The following ADGRL3 variants were observed in gnomAD, a reference collection of about 807,000 sequenced individuals.
The protein encoded by ADGRL3 is calcium-independent alpha-latrotoxin receptor 3.
ADGRL3 carries 62 observed loss-of-function variants against 153.5 expected under a neutral mutation model. The observed-to-expected ratio is 0.40, with a 90% CI of 0.33 to 0.50. ADGRL3 has a LOEUF of 0.50. Ranked by LOEUF, ADGRL3 falls within the 20% of genes least tolerant of loss-of-function variation. The probability of loss-of-function intolerance (pLI) is 0.47; values close to 1 mark genes in which losing one functional copy is unlikely to be tolerated. For missense variants in ADGRL3, 1,641 were observed against 1,859.4 expected, an observed-to-expected ratio of 0.88 and a Z score of 2.16; for synonymous variants, 710 against 672.5, an observed-to-expected ratio of 1.06 and a Z score of -0.86.
At chr4:61,831,740 G>T (rs1248515011) in intron 9 of ADGRL3, among the ~76,000 whole-genome samples, 1 of 152,070 alleles carries the variant, frequency 6.6e-6, no homozygotes, top group Non-Finnish European at 1.5e-5. Flanking sequence ...AATTTTTAAG[G>T]TTTAGTAGGT....
intron 5 of ADGRL3, among the ~76,000 whole-genome samples, chr4:61,609,907 GA>G: frequency 6.6e-6 from 1 of 151,878 alleles, no homozygotes; most frequent in Non-Finnish European, 1.5e-5. Flanking sequence ...CAAAGAAATT[GA>G]AATGAAAGAT....
At chr4:62,027,121 A>G (rs1221836636) in intron 21 of ADGRL3, among the ~76,000 whole-genome samples, 7 of 152,100 alleles carry the variant, frequency 4.6e-5, no homozygotes, top group Admixed American at 6.6e-5. Flanking sequence ...GGGAATGCAT[A>G]TAATATAATA....
intron 5 of ADGRL3, among the ~76,000 whole-genome samples, chr4:61,612,310 C>G (rs980379303): frequency 3.9e-5 from 6 of 152,056 alleles, no homozygotes; most frequent in African/African-American, 1.4e-4. Context: ...GTTGGGAAGC[C>G]TTCTCTCTTC....
Position 61,733,241 on chromosome 4 carries a change from C to T in ADGRL3, c.1086C>T (p.Thr362=), listed in dbSNP as rs368860035. ...TCATTAGTCAATTGAACCCTTACAC[C>T]CTACGGATCGAAGGAACATGGGATA... The part of the protein sequence containing the change: ...KIVISQLNPY[T]LRIEGTWDTA... The change falls in exon 8 of 27, where the codon ACC becomes ACT. Residue 362 remains threonine, a synonymous_variant. Transcript: ENST00000683033. 24 of 1,613,480 alleles carry T rather than the reference C, an allele frequency of 1.5e-5. No individual in the cohort carries two copies. The highest frequency in any genetic ancestry group is 1.8e-5 in the Non-Finnish European group (21 of 1,179,792).
At chr4:61,556,367 T>G (rs1006148741) in intron 4 of ADGRL3, among the ~76,000 whole-genome samples, 1 of 151,300 alleles carries the variant, frequency 6.6e-6, no homozygotes, top group Non-Finnish European at 1.5e-5. Flanking sequence ...GAGACAGGAG[T>G]TTGAGGAACA....
At chr4:61,436,844 A>G (rs1483712633) in intron 2 of ADGRL3, among the ~76,000 whole-genome samples, 3 of 151,774 alleles carry the variant, frequency 2.0e-5, no homozygotes, top group East Asian at 3.9e-4. Flanking sequence ...CTGTTCATAT[A>G]CAGAGAGCAT....
intron 13 of ADGRL3, among the ~76,000 whole-genome samples, chr4:61,922,990 C>G (rs551130779): frequency 1.3e-5 from 2 of 152,138 alleles, no homozygotes; most frequent in African/African-American, 4.8e-5. Context: ...GGAAGACTTT[C>G]TAAGGAAGTG....
At chr4:61,777,030 T>G (rs1007161227) in intron 8 of ADGRL3, among the ~76,000 whole-genome samples, 9 of 152,188 alleles carry the variant, frequency 5.9e-5, no homozygotes. Context: ...ATTTCCTTGC[T>G]TTTGTTTATA....
intron 9 of ADGRL3, among the ~76,000 whole-genome samples, chr4:61,867,747 A>G (rs1561385927): frequency 6.6e-6 from 1 of 151,828 alleles, no homozygotes; most frequent in Non-Finnish European, 1.5e-5. Flanking sequence ...GTGGAGAAAC[A>G]TAACTAGACA....
At chr4:61,651,693 C>T (rs572534020) in intron 5 of ADGRL3, among the ~76,000 whole-genome samples, 1 of 151,708 alleles carries the variant, frequency 6.6e-6, no homozygotes, top group South Asian at 2.1e-4. Context: ...CTGCAACCCC[C>T]GCCTCCTGTG....
intron 1 of ADGRL3, among the ~76,000 whole-genome samples, chr4:61,294,928 CACACA>C (rs1560439213): frequency 6.7e-6 from 1 of 148,436 alleles, no homozygotes; most frequent in Non-Finnish European, 1.5e-5. Context: ...CACACACACA[CACACA>C]CAGTAGTCCC....
intron 2 of ADGRL3, among the ~76,000 whole-genome samples, chr4:61,388,602 C>CT (rs1560559149): frequency 6.6e-6 from 1 of 152,210 alleles, no homozygotes; most frequent in Non-Finnish European, 1.5e-5. Context: ...TCTTAGGCTA[C>CT]TACCTTTGTC....
chr4:61,289,037 C>T (rs1166327516), intron 1 of ADGRL3, among the ~76,000 whole-genome samples: 1 of 151,730 alleles, frequency 6.6e-6, no homozygotes. Flanking sequence ...CACAAGATAC[C>T]TAGATATACG....
At chr4:61,762,724 C>T (rs779860247) in intron 8 of ADGRL3, among the ~76,000 whole-genome samples, 41 of 152,074 alleles carry the variant, frequency 2.7e-4, no homozygotes, top group Middle Eastern at 3.4e-3. Context: ...TGCTAAGATA[C>T]AAAAATCTTT....
At chr4:61,559,874 A>G (rs2098787101) in intron 4 of ADGRL3, among the ~76,000 whole-genome samples, 1 of 152,094 alleles carries the variant, frequency 6.6e-6, no homozygotes, top group Non-Finnish European at 1.5e-5. Flanking sequence ...AACTGAGAAG[A>G]AATAAACTAT....
At chr4:61,410,980 C>G (rs1236511719) in intron 2 of ADGRL3, among the ~76,000 whole-genome samples, 1 of 152,126 alleles carries the variant, frequency 6.6e-6, no homozygotes, top group African/African-American at 2.4e-5. Flanking sequence ...TGTCTGTCAT[C>G]CCATTGGGCT....
At chr4:61,208,110 T>C (rs1028554782) in intron 1 of ADGRL3, among the ~76,000 whole-genome samples, 2 of 152,184 alleles carry the variant, frequency 1.3e-5, no homozygotes, top group Non-Finnish European at 2.9e-5. Context: ...CAGCCTGATC[T>C]GCTGACTGCT....
At chr4:61,847,618 TATAATATAA>T (rs2098133913) in intron 9 of ADGRL3, among the ~76,000 whole-genome samples, 1 of 65,232 alleles carries the variant, frequency 1.5e-5, no homozygotes, top group African/African-American at 5.5e-5. Flanking sequence ...ATATTATATA[TATAATATAA>T]AATATATTAT....
At chr4:61,730,151 G>A (rs886598911) in intron 6 of ADGRL3, among the ~76,000 whole-genome samples, 10 of 151,902 alleles carry the variant, frequency 6.6e-5, no homozygotes, top group East Asian at 3.9e-4. Flanking sequence ...ATGAGTTGCC[G>A]AGTAGTTCCT....
Sources: allele counts gnomAD v4.1 joint callset (sites outside exome capture counted in the v4.1 genomes callset), GRCh38; gene constraint gnomAD v4.1.1; transcripts MANE v1.5; gene names NCBI Gene and HGNC (gene_info 2026-07-23, HGNC 2026-07-21).